The following SPIRE1 variants were observed in gnomAD, a reference collection of about 807,000 sequenced individuals.
SPIRE1 encodes the protein spire type actin nucleation factor 1, also known as protein spire homolog 1.
Under a neutral mutation model 94.1 loss-of-function variants are expected in SPIRE1, and 40 were observed. The observed-to-expected ratio is 0.43, with a 90% CI of 0.33 to 0.55. The LOEUF is 0.55. Ranked by LOEUF, SPIRE1 falls within the 20% of genes least tolerant of loss-of-function variation. The pLI is 0.06. For synonymous variants in SPIRE1, 376 were observed against 371.7 expected, an observed-to-expected ratio of 1.01 and a Z score of -0.13; for missense variants, 838 against 975.2, an observed-to-expected ratio of 0.86 and a Z score of 1.87.
chr18:12,650,090 T>C (rs2038334388), intron 1 of SPIRE1, among the ~76,000 whole-genome samples: 2 of 151,798 alleles, frequency 1.3e-5, no homozygotes, highest in Non-Finnish European at 2.9e-5. Context: ...AATACAAAAA[T>C]TAGCCAGGCG....
At chr18:12,656,577 T>C (rs1450990776) in intron 1 of SPIRE1, 1 of 283,206 alleles carries the variant, frequency 3.5e-6, no homozygotes, top group East Asian at 1.7e-4. Flanking sequence ...TCTTTCACCT[T>C]AAGCATTTTG....
chr18:12,463,634 T>C (rs1197153507), intron 11 of SPIRE1, 141 bp from the exon 12 acceptor site: 1 of 672,378 alleles, frequency 1.5e-6, no homozygotes, highest in Non-Finnish European at 2.4e-6. Context: ...ATGGTAATCC[T>C]TAGGAGTAGA....
chr18:12,535,686 G>A, intron 3 of SPIRE1, 85 bp from the exon 4 acceptor site: 1 of 1,297,600 alleles, frequency 7.7e-7, no homozygotes, highest in South Asian at 1.3e-5. Context: ...GCAGAGTGCA[G>A]TGGTTCACGC....
chr18:12,658,308 C>T (rs1458869339), upstream of SPIRE1: 1 of 440,274 alleles, frequency 2.3e-6, no homozygotes, highest in Middle Eastern at 5.3e-4. Flanking sequence ...GGTCGGGGGG[C>T]CCGGTCGCAA....
chr18:12,541,499 C>T (rs756604639), intron 3 of SPIRE1, among the ~76,000 whole-genome samples: 1 of 152,174 alleles, frequency 6.6e-6, no homozygotes, highest in African/African-American at 2.4e-5. Flanking sequence ...GGCTATGTTA[C>T]TAGGTGCACA....
intron 9 of SPIRE1, among the ~76,000 whole-genome samples, chr18:12,482,105 T>C (rs1263306527): frequency 6.6e-6 from 1 of 152,184 alleles, no homozygotes; most frequent in East Asian, 1.9e-4. Flanking sequence ...TAGCACTGTA[T>C]GCATACCACT....
chr18:12,516,781 C>G (rs1598429486), intron 4 of SPIRE1, among the ~76,000 whole-genome samples: 1 of 152,240 alleles, frequency 6.6e-6, no homozygotes, highest in East Asian at 1.9e-4. Context: ...CAAAACAGGG[C>G]CCCTTTTCCA....
intron 4 of SPIRE1, among the ~76,000 whole-genome samples, chr18:12,523,249 G>C (rs2144109797): frequency 6.6e-6 from 1 of 152,324 alleles, no homozygotes; most frequent in Admixed American, 6.5e-5. Context: ...GGAGCCTGAA[G>C]ATGTGCCTGA....
chr18:12,464,737 G>C (rs534851647), intron 11 of SPIRE1, 131 bp downstream of exon 11: 11 of 677,792 alleles, frequency 1.6e-5, no homozygotes, highest in Middle Eastern at 2.5e-4. Flanking sequence ...TTCATCTCCC[G>C]ATCAGTGAAA....
chr18:12,594,407 G>A (rs2036617963), intron 2 of SPIRE1, among the ~76,000 whole-genome samples: 1 of 152,100 alleles, frequency 6.6e-6, no homozygotes, highest in African/African-American at 2.4e-5. Context: ...TAAAAATGAT[G>A]TTGAAATATA....
intron 9 of SPIRE1, among the ~76,000 whole-genome samples, chr18:12,483,856 T>C (rs933830839): frequency 6.6e-6 from 1 of 152,100 alleles, no homozygotes; most frequent in Non-Finnish European, 1.5e-5. Context: ...GAAATTTTAA[T>C]TAATAGTTAA....
At chr18:12,550,593 C>T (rs1162377753) in intron 2 of SPIRE1, among the ~76,000 whole-genome samples, 1 of 152,072 alleles carries the variant, frequency 6.6e-6, no homozygotes, top group African/African-American at 2.4e-5. Flanking sequence ...AACCCCTGGG[C>T]TCGAGCAATC....
chr18:12,540,551 T>C (rs1051291292), intron 3 of SPIRE1, among the ~76,000 whole-genome samples: 2 of 152,168 alleles, frequency 1.3e-5, no homozygotes, highest in African/African-American at 4.8e-5. Flanking sequence ...ATTTTTTGTA[T>C]TTTTAGTAGA....
At chr18:12,580,296 C>T (rs1320228643) in intron 2 of SPIRE1, among the ~76,000 whole-genome samples, 2 of 151,832 alleles carry the variant, frequency 1.3e-5, no homozygotes, top group Non-Finnish European at 2.9e-5. Context: ...AAATAGTATC[C>T]CAACCATCTA....
intron 2 of SPIRE1, among the ~76,000 whole-genome samples, chr18:12,599,043 G>A (rs7243917): frequency 0.14 from 21,344 of 151,908 alleles, 1,762 homozygotes; most frequent in African/African-American, 0.21. Flanking sequence ...TTCACAAACC[G>A]CTGGAGAGTA....
chr18:12,533,655 C>T (rs1185558614), intron 4 of SPIRE1, among the ~76,000 whole-genome samples: 1 of 152,080 alleles, frequency 6.6e-6, no homozygotes, highest in Non-Finnish European at 1.5e-5. Context: ...ATTTAATTTC[C>T]TCTATTAACA....
chr18:12,462,120 A>C (rs542961851), intron 12 of SPIRE1, among the ~76,000 whole-genome samples: 1 of 152,286 alleles, frequency 6.6e-6, no homozygotes, highest in South Asian at 2.1e-4. Context: ...ATTATTCTGG[A>C]GCTAGAAGAA....
intron 2 of SPIRE1, among the ~76,000 whole-genome samples, chr18:12,607,575 G>C (rs1452558976): frequency 1.4e-5 from 2 of 147,088 alleles, no homozygotes; most frequent in African/African-American, 2.5e-5. Flanking sequence ...TCCACCTTTA[G>C]GGTTTTCTAC....
intron 5 of SPIRE1, among the ~76,000 whole-genome samples, chr18:12,511,250 T>G (rs903308410): frequency 6.6e-6 from 1 of 152,198 alleles, no homozygotes; most frequent in African/African-American, 2.4e-5. Flanking sequence ...TACTGGTCTG[T>G]GGCCTGTTAG....
Sources: gnomAD v4.1 joint callset for allele counts (sites outside exome capture counted in the v4.1 genomes callset) on GRCh38, gnomAD v4.1.1 for gene constraint, MANE v1.5 for transcripts, NCBI Gene and HGNC (gene_info 2026-07-23, HGNC 2026-07-21) for gene names.